The following CDH8 variants were observed in gnomAD, a reference collection of about 807,000 sequenced individuals.
CDH8 encodes the protein cadherin-8.
Under a neutral mutation model 68.1 loss-of-function variants are expected in CDH8, and 17 were observed. The observed-to-expected ratio is 0.25, with a 90% CI of 0.17 to 0.37. CDH8 has a LOEUF of 0.37. CDH8 is among the 10% of genes least tolerant of loss of function. The pLI, the probability that CDH8 is intolerant of heterozygous loss-of-function variation, is 1.00. For missense variants in CDH8, 763 were observed against 999.3 expected (o/e 0.76, Z 3.19); for synonymous variants, 372 against 365.1 (o/e 1.02, Z -0.21).
At chr16:61,817,020 T>C (rs1962090652) in intron 7 of CDH8, among the ~76,000 whole-genome samples, 1 of 152,114 alleles carries the variant, frequency 6.6e-6, no homozygotes, top group Admixed American at 6.6e-5. Context: ...AGCCTCTTAA[T>C]GCATTGACAC....
At chr16:61,730,746 T>C (rs1421954465) in intron 8 of CDH8, among the ~76,000 whole-genome samples, 1 of 151,600 alleles carries the variant, frequency 6.6e-6, no homozygotes, top group East Asian at 1.9e-4. Flanking sequence ...ACCTAAACTG[T>C]TTACTCTGCA....
chr16:61,820,314 GTTTTTTTTTTT>G (rs545670875), intron 6 of CDH8, among the ~76,000 whole-genome samples: 4 of 90,762 alleles, frequency 4.4e-5, no homozygotes, highest in African/African-American at 1.4e-4. Flanking sequence ...TGCCTGTTTG[GTTTTTTTTTTT>G]TTTTTTTTTT....
In CDH8 at chr16:62,026,948, T is replaced by C. The variant is rs73568777; in HGVS notation, c.-199-5346A>G. On this transcript the variant is annotated intron_variant, in intron 1 of 11. Coordinates refer to ENST00000577390, the MANE Select transcript of CDH8 (RefSeq NM_001796.5). Reference sequence around the variant, plus strand: ...TTAATTAATAACTGCGAATAGTAGCTGCATACACAAACTGCTTAACTTGAT... The same window carrying C: ...TTAATTAATAACTGCGAATAGTAGCCGCATACACAAACTGCTTAACTTGAT... Among the ~76,000 whole-genome samples the C allele has an allele frequency of 8.7e-3, 1,329 of 152,344 alleles. 17 individuals are homozygous for C. Among genetic ancestry groups the C allele is most frequent in the African/African-American group, 0.03 (1,236 of 41,576 alleles).
chr16:61,969,328 T>C (rs747948000), intron 2 of CDH8, among the ~76,000 whole-genome samples: 12 of 152,190 alleles, frequency 7.9e-5, no homozygotes, highest in Non-Finnish European at 1.6e-4. Flanking sequence ...GGCAGACCCA[T>C]CATTGAACGG....
intron 4 of CDH8, among the ~76,000 whole-genome samples, chr16:61,849,632 G>T (rs994221833): frequency 6.6e-6 from 1 of 152,114 alleles, no homozygotes; most frequent in African/African-American, 2.4e-5. Flanking sequence ...TCAGCACTTG[G>T]CATGGAAAGA....
At chr16:61,768,314 TTCTCTCTCTCTCTCTCTCTCTCTC>T (rs1206629963) in intron 8 of CDH8, among the ~76,000 whole-genome samples, 1 of 17,196 alleles carries the variant, frequency 5.8e-5, no homozygotes, top group Non-Finnish European at 1.1e-4. Context: ...GTCTCTCCCT[TTCTCTCTCTCTCTCTCTCTCTCTC>T]TCTCTCTCTC....
intron 10 of CDH8, among the ~76,000 whole-genome samples, chr16:61,688,082 G>A (rs1468197575): frequency 6.6e-6 from 1 of 151,906 alleles, no homozygotes; most frequent in Non-Finnish European, 1.5e-5. Flanking sequence ...AAACAACTTT[G>A]AAGTCTTTCT....
Position 61,647,710 on chromosome 16 carries a change from A to G in CDH8, c.*5898T>C, listed in dbSNP as rs773723646. ...CCTCTTATTTTTGAGGAATCATAGG[A>G]TGGCCTGAAGTTCTTTGCATGTACA... is the stretch of plus-strand genomic sequence containing the variant. On this transcript the variant is annotated 3_prime_UTR_variant, in exon 12 of 12. Transcript: ENST00000577390. The G allele has an allele frequency of 3.7e-5, 25 of 669,798 alleles. No individual in the cohort carries two copies. Among genetic ancestry groups the G allele is most frequent in the Middle Eastern group, 2.4e-4 (1 of 4,164 alleles). 41.5% of individuals were successfully genotyped at this position (669,798 alleles called of 1,614,324 possible).
intron 4 of CDH8, among the ~76,000 whole-genome samples, chr16:61,832,375 G>C (rs146089651): frequency 0.024 from 3,489 of 147,092 alleles, 49 homozygotes; most frequent in Non-Finnish European, 0.028. Flanking sequence ...TAGATAGATA[G>C]ATAGATACAT....
chr16:61,716,501 T>C (rs1964733063), intron 9 of CDH8, among the ~76,000 whole-genome samples: 1 of 151,776 alleles, frequency 6.6e-6, no homozygotes, highest in Non-Finnish European at 1.5e-5. Flanking sequence ...AGATTATAAC[T>C]CAGCAATCTG....
intron 8 of CDH8, among the ~76,000 whole-genome samples, chr16:61,748,495 C>T (rs1225619945): frequency 6.6e-6 from 1 of 151,924 alleles, no homozygotes; most frequent in Non-Finnish European, 1.5e-5. Context: ...AGTAAACACA[C>T]ATTCACTTAT....
chr16:61,991,521 A>G (rs1477758984), intron 2 of CDH8, among the ~76,000 whole-genome samples: 1 of 152,204 alleles, frequency 6.6e-6, no homozygotes, highest in Non-Finnish European at 1.5e-5. Flanking sequence ...TTCACTTCAC[A>G]TACTACTTAA....
intron 10 of CDH8, among the ~76,000 whole-genome samples, chr16:61,674,156 C>G (rs551205280): frequency 4.6e-5 from 7 of 151,770 alleles, no homozygotes; most frequent in African/African-American, 1.7e-4. Flanking sequence ...GAAACTAATT[C>G]TAGGGAATAG....
At chr16:61,970,078 A>G (rs1316314886) in intron 2 of CDH8, among the ~76,000 whole-genome samples, 1 of 152,230 alleles carries the variant, frequency 6.6e-6, no homozygotes, top group African/African-American at 2.4e-5. Flanking sequence ...ATGCTCCACA[A>G]TATACATTAC....
At chr16:61,706,239 T>C (rs1469060295) in intron 10 of CDH8, among the ~76,000 whole-genome samples, 1 of 152,140 alleles carries the variant, frequency 6.6e-6, no homozygotes, top group Non-Finnish European at 1.5e-5. Flanking sequence ...CCTGAGTTAT[T>C]GTGAATGATT....
At chr16:61,865,547 T>C (rs1963238275) in intron 3 of CDH8, among the ~76,000 whole-genome samples, 1 of 152,148 alleles carries the variant, frequency 6.6e-6, no homozygotes, top group South Asian at 2.1e-4. Flanking sequence ...ACCTTCTGTA[T>C]CCTTCACAAA....
chr16:62,017,405 G>A (rs1597128518), intron 2 of CDH8, among the ~76,000 whole-genome samples: 1 of 152,132 alleles, frequency 6.6e-6, no homozygotes, highest in Non-Finnish European at 1.5e-5. Flanking sequence ...TTCAGGCCGG[G>A]CACAGTGGTT....
At position 61,929,295 on chromosome 16, in the gene CDH8, C is replaced by T. The variant is rs559483264; in HGVS notation, c.253-27822G>A. Among the ~76,000 whole-genome samples, 84 of 152,170 alleles carry T rather than the reference C, an allele frequency of 5.5e-4. 2 individuals carry two copies. The South Asian group carries it at 7.5e-3, about 14-fold the overall frequency. ...TTGAACCTTGGTTTCCTATTCTGTA[C>T]GGAATGGATGAAATTACATATCTAG... On this transcript the variant is annotated intron_variant, in intron 2 of 11. Transcript: ENST00000577390.
intron 3 of CDH8, among the ~76,000 whole-genome samples, chr16:61,877,295 T>C (rs1039700554): frequency 2.9e-5 from 4 of 138,118 alleles, no homozygotes; most frequent in Non-Finnish European, 6.0e-5. Context: ...TGGGGTAATA[T>C]GGAATTATTT....
Sources: gnomAD v4.1 joint callset for allele counts (sites outside exome capture counted in the v4.1 genomes callset) on GRCh38, gnomAD v4.1.1 for gene constraint, MANE v1.5 for transcripts, NCBI Gene and HGNC (gene_info 2026-07-23, HGNC 2026-07-21) for gene names.